NOX4: variants seen among roughly 807,000 people sequenced by gnomAD.
NOX4 encodes NADPH oxidase 4.
NOX4 carries 69 observed loss-of-function variants against 87.6 expected under a neutral mutation model. The observed-to-expected ratio is 0.79, with a 90% CI of 0.65 to 0.96. The LOEUF is 0.96. NOX4 is among the 40% of genes least tolerant of loss of function. NOX4 has a pLI of 0.00. For missense variants in NOX4, 680 were observed against 681.5 expected (o/e 1.00, Z 0.02); for synonymous variants, 275 against 238.2 (o/e 1.15, Z -1.42).
At chr11:89,487,559 G>A (rs1946680630) in intron 2 of NOX4, among the ~76,000 whole-genome samples, 1 of 151,988 alleles carries the variant, frequency 6.6e-6, no homozygotes, top group Non-Finnish European at 1.5e-5. Flanking sequence ...CATTTTAAAT[G>A]GTACAATGAA....
chr11:89,543,360 TAC>T, the NOX4 span, among the ~76,000 whole-genome samples: 2 of 152,162 alleles, frequency 1.3e-5, no homozygotes, highest in Non-Finnish European at 2.9e-5. Context: ...ACATATATGT[TAC>T]AATTTCCCCT....
At chr11:89,461,108 T>C (rs997181821) in intron 2 of NOX4, among the ~76,000 whole-genome samples, 3 of 151,642 alleles carry the variant, frequency 2.0e-5, no homozygotes, top group Non-Finnish European at 4.4e-5. Flanking sequence ...AATTGAACAA[T>C]GAGAACACAT....
chr11:89,358,247 A>G (rs181519601), intron 12 of NOX4, among the ~76,000 whole-genome samples: 3 of 151,778 alleles, frequency 2.0e-5, no homozygotes, highest in Non-Finnish European at 4.4e-5. Context: ...TTAGTCGGGC[A>G]TAGTGGTGGG....
chr11:89,561,021 C>CAT, the NOX4 span, among the ~76,000 whole-genome samples: 12 of 49,712 alleles, frequency 2.4e-4, no homozygotes, highest in East Asian at 6.7e-4. Flanking sequence ...TATATATATA[C>CAT]ATACACACAC....
At chr11:89,489,821 G>A (rs370828924) in intron 2 of NOX4, among the ~76,000 whole-genome samples, 1 of 151,704 alleles carries the variant, frequency 6.6e-6, no homozygotes, top group East Asian at 1.9e-4. Context: ...CTTCTGTTAA[G>A]CAGTCAAATA....
intron 8 of NOX4, among the ~76,000 whole-genome samples, chr11:89,402,932 C>T (rs1591132070): frequency 6.6e-6 from 1 of 152,202 alleles, no homozygotes; most frequent in East Asian, 1.9e-4. Context: ...GATATCCAAA[C>T]ATAAGGGAAA....
intron 15 of NOX4, among the ~76,000 whole-genome samples, chr11:89,338,495 G>T (rs2093614091): frequency 6.6e-6 from 1 of 151,912 alleles, no homozygotes; most frequent in South Asian, 2.1e-4. Context: ...AATTCTTCTA[G>T]GTACATACCT....
chr11:89,537,491 T>G, the NOX4 span, among the ~76,000 whole-genome samples: 1 of 152,004 alleles, frequency 6.6e-6, no homozygotes, highest in Admixed American at 6.6e-5. Context: ...CACCCTTTTA[T>G]ATATGGTATA....
intron 13 of NOX4, among the ~76,000 whole-genome samples, chr11:89,348,049 G>C (rs1946292193): frequency 6.6e-6 from 1 of 152,182 alleles, no homozygotes; most frequent in Non-Finnish European, 1.5e-5. Flanking sequence ...GCTGAGGTGG[G>C]ATGATTGCTC....
chr11:89,473,180 T>C (rs1946017256), intron 2 of NOX4, among the ~76,000 whole-genome samples: 1 of 152,300 alleles, frequency 6.6e-6, no homozygotes, highest in Admixed American at 6.5e-5. Context: ...TTCCTCCCTC[T>C]ACAGAAATTA....
intron 7 of NOX4, among the ~76,000 whole-genome samples, chr11:89,431,882 C>CTT (rs1468768383): frequency 1.3e-5 from 2 of 152,104 alleles, no homozygotes; most frequent in Admixed American, 6.6e-5. Context: ...AATCATGCTG[C>CTT]TATAAAGACA....
At chr11:89,332,274 T>C (rs1365349029) in intron 17 of NOX4, among the ~76,000 whole-genome samples, 1 of 151,786 alleles carries the variant, frequency 6.6e-6, no homozygotes, top group Non-Finnish European at 1.5e-5. Context: ...TTAAATTGTA[T>C]TGTTTGAAAA....
chr11:89,541,080 T>G, the NOX4 span, among the ~76,000 whole-genome samples: 2 of 152,178 alleles, frequency 1.3e-5, no homozygotes, highest in African/African-American at 4.8e-5. Flanking sequence ...GAGAAACTTT[T>G]GTTGACTGGA....
chr11:89,478,069 T>C (rs1273737512), intron 2 of NOX4, among the ~76,000 whole-genome samples: 3 of 152,150 alleles, frequency 2.0e-5, no homozygotes, highest in Non-Finnish European at 4.4e-5. Flanking sequence ...AGATAAGTCT[T>C]AGCATTGTCA....
intron 8 of NOX4, 123 bp downstream of exon 8, chr11:89,421,779 G>A (rs1251852042): frequency 1.1e-5 from 6 of 565,428 alleles, no homozygotes; most frequent in Non-Finnish European, 1.9e-5. Flanking sequence ...CTCAATAGTA[G>A]AGAAACTATT....
In NOX4 at chr11:89,324,602, C is replaced by G. The variant is rs1208554502; in HGVS notation, c.*2154G>C. Reference sequence around the variant, plus strand: ...AAACATCATCTTTCTTTTGAAAAATCTTCTACCTGTTTTAATGAAATTAGG... The same window carrying G: ...AAACATCATCTTTCTTTTGAAAAATGTTCTACCTGTTTTAATGAAATTAGG... On this transcript the variant is annotated 3_prime_UTR_variant, in exon 18 of 18. Transcript: ENST00000263317. 6.6e-6 allele frequency: 1 copy of G among 152,096 alleles called. No homozygotes were observed. Among genetic ancestry groups the G allele is most frequent in the African/African-American group, 2.4e-5 (1 of 41,420 alleles). 9.4% of individuals were successfully genotyped at this position (152,096 alleles called of 1,614,324 possible).
chr11:89,558,826 G>A, the NOX4 span, among the ~76,000 whole-genome samples: 23 of 152,090 alleles, frequency 1.5e-4, no homozygotes, highest in East Asian at 2.9e-3. Flanking sequence ...CTGGGTATAC[G>A]CCATACACAT....
intron 2 of NOX4, among the ~76,000 whole-genome samples, chr11:89,462,285 G>A (rs1200779573): frequency 6.6e-6 from 1 of 152,102 alleles, no homozygotes; most frequent in African/African-American, 2.4e-5. Context: ...TTGTAAAGAT[G>A]TCAATCTCTC....
upstream of NOX4, among the ~76,000 whole-genome samples, chr11:89,494,170 A>G (rs918210683): frequency 1.3e-5 from 2 of 152,162 alleles, no homozygotes; most frequent in Admixed American, 1.3e-4. Context: ...TTATAAGAAA[A>G]TTCACACTTT....
Sources: allele counts gnomAD v4.1 joint callset (sites outside exome capture counted in the v4.1 genomes callset), GRCh38; gene constraint gnomAD v4.1.1; transcripts MANE v1.5; gene names NCBI Gene and HGNC (gene_info 2026-07-23, HGNC 2026-07-21).